The following KL variants were observed in gnomAD, a reference collection of about 807,000 sequenced individuals.
The protein encoded by KL is klotho.
Under a neutral mutation model 84.2 loss-of-function variants are expected in KL, and 62 were observed. The ratio of observed to expected loss-of-function variants is 0.74; its 90% CI spans 0.60 to 0.91. KL has a LOEUF of 0.91. KL is among the 40% of genes least tolerant of loss of function. KL has a pLI of 0.00. For synonymous variants in KL, 528 were observed against 528.0 expected (o/e 1.00, Z 0.00); for missense variants, 1,261 against 1,305.7 (o/e 0.97, Z 0.53).
At position 33,054,919 on chromosome 13, in the gene KL, C is replaced by A. The variant is rs1003262158; in HGVS notation, c.1331-128C>A. ...AGAGTCTTTCGTCAAGAAGAAAAAT[C>A]ATTGGCTTACCAAACGAGAAGCATT... On this transcript the variant is annotated intron_variant, in intron 2 of 4. Transcript: ENST00000380099. 3.2e-5 allele frequency: 39 copies of A among 1,201,598 alleles called. 1 individual carries two copies. Among genetic ancestry groups the A allele is most frequent in the Non-Finnish European group, 4.5e-5 (37 of 830,558 alleles). 74.4% of individuals were successfully genotyped at this position (1,201,598 alleles called of 1,614,324 possible).
At chr13:33,023,038 G>C (rs1464252415) in intron 1 of KL, among the ~76,000 whole-genome samples, 2 of 152,116 alleles carry the variant, frequency 1.3e-5, no homozygotes, top group Non-Finnish European at 2.9e-5. Context: ...TTCATCCAGT[G>C]GACAGGAAAA....
chr13:33,058,673 C>T (rs1280148276), intron 3 of KL, among the ~76,000 whole-genome samples: 1 of 151,662 alleles, frequency 6.6e-6, no homozygotes. Context: ...TTTTTTTCCT[C>T]CAGAAATGAT....
At position 33,064,746 on chromosome 13, in the gene KL, C is replaced by G. The variant is rs1872345538; in HGVS notation, c.*560C>G. On this transcript the variant is annotated 3_prime_UTR_variant, in exon 5 of 5. Coordinates refer to ENST00000380099, the MANE Select transcript of KL (RefSeq NM_004795.4). ...TTCCTTTCGAAAGCAATGCTTCTATCAAATACTAGTATTAATTTATGTATC... is the reference window on the plus strand; with the variant it reads ...TTCCTTTCGAAAGCAATGCTTCTATGAAATACTAGTATTAATTTATGTATC... 1 of 224,302 alleles carries G rather than the reference C, an allele frequency of 4.5e-6. No homozygotes were observed. The highest frequency in any genetic ancestry group is 5.7e-5 in the Admixed American group (1 of 17,528). The allele number at this position is 224,302 out of a possible 1,614,324, so 13.9% of individuals were successfully genotyped here. A position where few individuals can be genotyped will look rare whatever the true frequency, so the allele number is the denominator to read the frequency against.
intron 3 of KL, among the ~76,000 whole-genome samples, chr13:33,060,290 T>C (rs1872125043): frequency 1.3e-5 from 2 of 152,328 alleles, no homozygotes; most frequent in Non-Finnish European, 1.5e-5. Flanking sequence ...TCTAGTTTTT[T>C]TTCTTTTTAA....
At chr13:33,050,439 TG>T (rs1392376765) in intron 1 of KL, among the ~76,000 whole-genome samples, 1 of 152,146 alleles carries the variant, frequency 6.6e-6, no homozygotes, top group Non-Finnish European at 1.5e-5. Context: ...AACTGGCTCG[TG>T]AAGAGGTGGT....
At chr13:33,039,824 G>A (rs1240381815) in intron 1 of KL, among the ~76,000 whole-genome samples, 2 of 152,146 alleles carry the variant, frequency 1.3e-5, no homozygotes, top group African/African-American at 2.4e-5. Flanking sequence ...AAACTGACCT[G>A]GCTGTAGCAA....
Position 33,065,608 on chromosome 13 carries a change from G to A in KL, c.*1422G>A, listed in dbSNP as rs1038130767. The A allele has an allele frequency of 2.8e-5, 5 of 181,030 alleles. No individual in the cohort carries two copies. The highest frequency in any genetic ancestry group is 9.4e-5 in the African/African-American group (4 of 42,384). 11.2% of individuals were successfully genotyped at this position (181,030 alleles called of 1,614,324 possible). On this transcript the variant is annotated 3_prime_UTR_variant, in exon 5 of 5. Coordinates refer to ENST00000380099, the MANE Select transcript of KL (RefSeq NM_004795.4). ...TTAGAGGTATGATTTTTTCATGAAA[G>A]ATAAGCTTTTGGTAATATTCATTTT...
Position 33,064,008 on chromosome 13 carries a change from C to T in KL, c.2861C>T (p.Pro954Leu), listed in dbSNP as rs139939367. The T allele has an allele frequency of 5.9e-5, 96 of 1,613,998 alleles. No homozygotes were observed. Among genetic ancestry groups the T allele is most frequent in the South Asian group, 4.0e-4 (36 of 91,080 alleles). ...YRKIIDSNGF[P>L]GPETLERFCP... Reference sequence around the variant, plus strand: ...AAAATTATTGACAGCAATGGTTTCCCGGGCCCAGAAACTCTGGAAAGATTT... The same window carrying T: ...AAAATTATTGACAGCAATGGTTTCCTGGGCCCAGAAACTCTGGAAAGATTT... The change falls in exon 5 of 5, where the codon CCG becomes CTG. Residue 954 changes from proline (P) to leucine (L), a missense_variant. Pro to Leu is a moderately conservative substitution (Grantham distance 98, BLOSUM62 -3). Transcript: ENST00000380099.
intron 1 of KL, 61 bp downstream of exon 1, chr13:33,017,320 CA>C: frequency 7.0e-6 from 10 of 1,428,190 alleles, no homozygotes; most frequent in African/African-American, 1.4e-5. Context: ...CCACAGGGGC[CA>C]GGGGGAAGTG....
In KL at chr13:33,016,965, C is replaced by T. The variant is rs1243491903; in HGVS notation, c.525C>T (p.Arg175=). Residue 175 remains arginine (R), a synonymous_variant, in exon 1 of 5, where the codon CGC becomes CGT. Coordinates refer to ENST00000380099, the MANE Select transcript of KL (RefSeq NM_004795.4). Reference sequence around the variant, plus strand: ...GCGAGGGGCTGCGCTACTACCGGCGCCTGCTGGAGCGGCTGCGGGAGCTGG... The same window carrying T: ...GCGAGGGGCTGCGCTACTACCGGCGTCTGCTGGAGCGGCTGCGGGAGCTGG... ...PNREGLRYYR[R]LLERLRELGV... 1.2e-6 allele frequency: 2 copies of T among 1,600,824 alleles called. No homozygotes were observed. The highest frequency in any genetic ancestry group is 1.3e-5 in the African/African-American group (1 of 74,894).
intron 2 of KL, 116 bp from the exon 3 acceptor site, chr13:33,054,931 A>C: frequency 7.5e-7 from 1 of 1,332,292 alleles, no homozygotes; most frequent in Non-Finnish European, 1.1e-6. Context: ...TTGGCTTACC[A>C]AACGAGAAGC....
intron 1 of KL, among the ~76,000 whole-genome samples, chr13:33,032,938 G>A (rs1871026065): frequency 6.6e-6 from 1 of 150,812 alleles, no homozygotes; most frequent in Non-Finnish European, 1.5e-5. Context: ...CCTCTGAATC[G>A]CCATTGCATT....
At position 33,017,151 on chromosome 13, in the gene KL, C is replaced by T. The variant is rs757475526; in HGVS notation, c.711C>T (p.Ile237=). ...GTCAGGTCAAGTACTGGATCACCAT[C>T]GACAACCCCTACGTGGTGGCCTGGC... is the stretch of plus-strand genomic sequence containing the variant. ...FGGQVKYWIT[I]DNPYVVAWHG... The change falls in exon 1 of 5, where the codon ATC becomes ATT. Residue 237 remains isoleucine (I), a synonymous_variant. Transcript: ENST00000380099. 1 of 1,602,026 alleles carries T rather than the reference C, an allele frequency of 6.2e-7. No individual in the cohort carries two copies. Among genetic ancestry groups the T allele is most frequent in the Non-Finnish European group, 8.5e-7 (1 of 1,179,770 alleles).
chr13:33,048,002 CT>C (rs1871600672), intron 1 of KL, among the ~76,000 whole-genome samples: 1 of 151,960 alleles, frequency 6.6e-6, no homozygotes, highest in Non-Finnish European at 1.5e-5. Flanking sequence ...TGTTGTTATT[CT>C]CCATTTGTTC....
In KL at chr13:33,055,013, G is replaced by T. The variant is rs751614510; in HGVS notation, c.1331-34G>T. On this transcript the variant is annotated intron_variant, in intron 2 of 4. Transcript: ENST00000380099. ...CCATGATGCAAGTGCCCAGCGAAGG[G>T]TCATGTTGCTCTTGTCCCCTCTTCC... The T allele has an allele frequency of 1.5e-5, 24 of 1,614,028 alleles. 1 individual carries two copies. The highest frequency in any genetic ancestry group is 3.3e-4 in the Middle Eastern group (2 of 6,046).
intron 1 of KL, among the ~76,000 whole-genome samples, chr13:33,040,280 G>A (rs1871291202): frequency 6.6e-6 from 1 of 152,162 alleles, no homozygotes; most frequent in Non-Finnish European, 1.5e-5. Context: ...ACAAACATCA[G>A]GCTAGTTGGC....
chr13:33,058,657 A>C (rs1040074409), intron 3 of KL, among the ~76,000 whole-genome samples: 13 of 152,112 alleles, frequency 8.5e-5, no homozygotes, highest in Non-Finnish European at 8.8e-5. Flanking sequence ...TATTTTCAAG[A>C]AACTTTTTTT....
intron 1 of KL, among the ~76,000 whole-genome samples, chr13:33,039,392 A>C (rs1871254802): frequency 6.6e-6 from 1 of 152,224 alleles, no homozygotes; most frequent in Non-Finnish European, 1.5e-5. Flanking sequence ...TGAATGAATA[A>C]TTCCACATTA....
intron 1 of KL, among the ~76,000 whole-genome samples, chr13:33,029,401 G>A (rs1457109212): frequency 6.6e-6 from 1 of 152,154 alleles, no homozygotes; most frequent in Non-Finnish European, 1.5e-5. Context: ...AATAAGCAAC[G>A]AGTAAGTTTT....
Sources: allele counts gnomAD v4.1 joint callset (sites outside exome capture counted in the v4.1 genomes callset), GRCh38; gene constraint gnomAD v4.1.1; transcripts MANE v1.5; gene names NCBI Gene and HGNC (gene_info 2026-07-23, HGNC 2026-07-21).